CLUH: variants seen among roughly 807,000 people sequenced by gnomAD.
The protein encoded by CLUH is CLUH binding protein of NUMT mRNA, also known as clustered mitochondria protein homolog.
A neutral mutation model predicts 139.3 loss-of-function variants in CLUH; 77 were observed. That is an observed-to-expected ratio of 0.55 (90% confidence interval 0.46 to 0.67). The LOEUF is 0.67. Among genes scored for constraint, CLUH ranks in the 30% least tolerant of loss-of-function variants. The probability of loss-of-function intolerance (pLI) is 0.00; values close to 1 mark genes in which losing one functional copy is unlikely to be tolerated. For synonymous variants in CLUH, 999 were observed against 801.6 expected, an observed-to-expected ratio of 1.25 and a Z score of -4.16; for missense variants, 1,876 against 1,875.8, an observed-to-expected ratio of 1.00 and a Z score of 0.00.
At position 2,696,446 on chromosome 17, in the gene CLUH, T is replaced by C. The variant is rs1045743170; in HGVS notation, c.2278A>G (p.Ile760Val). ...CCCCACCACCTGCCTGGTGAGAAGA[T>C]GTCAGGATTGAAGCGAATGTCGAAG... The part of the protein sequence containing the change: ...TAFDIRFNPD[I>V]FSPGVRFPES... Residue 760 changes from isoleucine to valine, a missense_variant, in exon 12 of 26, where the codon ATC (isoleucine) becomes GTC (valine). Ile to Val is a conservative substitution (Grantham distance 29). This residue lies in a region of CLUH where 1,454 missense variants were observed against 1,384.4 expected (regional missense o/e 1.05). Transcript: ENST00000651024. 4.4e-6 allele frequency: 7 copies of C among 1,590,760 alleles called. No homozygotes were observed. Among genetic ancestry groups the C allele is most frequent in the East Asian group, 2.3e-5 (1 of 43,588 alleles).
rs2070032872 is a variant in CLUH at position 2,698,095 on chromosome 17, C to T, written c.1762G>A (p.Glu588Lys). The change falls in exon 10 of 26, where the codon GAG (glutamate) becomes AAG (lysine). Residue 588 changes from glutamate (E) to lysine (K), a missense_variant. Physicochemically the swap from Glu to Lys is moderately conservative, Grantham distance 56. Around this residue, in one of 3 missense-constraint regions of CLUH, gnomAD observed 1,454 missense variants for 1,384.4 expected, o/e 1.05. Transcript: ENST00000651024. Reference sequence around the variant, plus strand: ...TCGTTGCCAATGATGCCCTTGCACTCGACCGAGGAGCAGAGCTCCACCTCC... The same window carrying T: ...TCGTTGCCAATGATGCCCTTGCACTTGACCGAGGAGCAGAGCTCCACCTCC... ...DEEVELCSSV[E>K]CKGIIGNDGR... The T allele has an allele frequency of 1.2e-6, 2 of 1,603,610 alleles. No individual in the cohort carries two copies. The highest frequency in any genetic ancestry group is 1.3e-5 in the African/African-American group (1 of 74,796).
chr17:2,711,539 CCGCT>C lies in CLUH; in HGVS notation c.100+19_100+22del. On this transcript the variant is annotated intron_variant, in intron 1 of 25. Transcript: ENST00000651024. ...GGTCCGGCGCCCCCCGCCCAGCGGC[CCGCT>C]GGCCCTGGCCCCGCTCACCGGCCGC... The C allele has an allele frequency of 1.2e-6, 1 of 852,328 alleles. No individual in the cohort carries two copies. The allele number at this position is 852,328 out of a possible 1,614,324, so 52.8% of individuals were successfully genotyped here.
chr17:2,699,663 G>A (rs904037455), intron 9 of CLUH, among the ~76,000 whole-genome samples: 5 of 144,894 alleles, frequency 3.5e-5, no homozygotes, highest in Non-Finnish European at 6.0e-5. Flanking sequence ...ACGTAGTCTT[G>A]TTCTGTCGCC....
rs2070392079 is a variant in CLUH, at chr17:2,707,816, C to T, written c.101-3252G>A. ...CCTGGGCCAAGGGCCTGGCTGGGAC[C>T]TCTGGCTCCTGCTGCCCCCTGCAGG... On this transcript the variant is annotated intron_variant, in intron 1 of 25. Transcript: ENST00000651024. The surrounding 1 kb of genome is among the most constrained non-coding windows in gnomAD (Gnocchi z 7.4). 1 of 985,458 alleles carries T rather than the reference C, an allele frequency of 1.0e-6. No homozygotes were observed. Among genetic ancestry groups the T allele is most frequent in the East Asian group, 1.1e-4 (1 of 8,816 alleles). The allele number at this position is 985,458 out of a possible 1,614,324, so 61.0% of individuals were successfully genotyped here.
chr17:2,696,846 G>A lies in CLUH; in HGVS notation c.2058C>T (p.Ser686=), dbSNP rs1460106530. Residue 686 remains serine (S), a synonymous_variant, in exon 11 of 26, where the codon TCC becomes TCT. Transcript: ENST00000651024. ...GATCCTCAGACTTGGACTCCAAGGA[G>A]GAAGGACCACCATTTTCCAGGGAGG... is the stretch of plus-strand genomic sequence containing the variant. ...TPSSLENGGP[S]SLESKSEDPP... 8 of 1,613,480 alleles carry A rather than the reference G, an allele frequency of 5.0e-6. No individual in the cohort carries two copies. The highest frequency in any genetic ancestry group is 6.8e-6 in the Non-Finnish European group (8 of 1,179,884).
At position 2,698,551 on chromosome 17, in the gene CLUH, T is replaced by C. The variant is rs747849159; in HGVS notation, c.1306A>G (p.Met436Val). ...DFTAAATRGA[M>V]AVIDGNVMAI... ...ATCACGTTGCCGTCAATGACGGCCATGGCGCCCCTGGTGGCTGCCGCGGTG... is the reference window on the plus strand; with the variant it reads ...ATCACGTTGCCGTCAATGACGGCCACGGCGCCCCTGGTGGCTGCCGCGGTG... Residue 436 changes from methionine to valine, a missense_variant, in exon 10 of 26, where the codon ATG (methionine) becomes GTG (valine). Transcript: ENST00000651024. 4.3e-6 allele frequency: 7 copies of C among 1,610,258 alleles called. No homozygotes were observed. Among genetic ancestry groups the C allele is most frequent in the African/African-American group, 1.3e-5 (1 of 74,874 alleles).
In CLUH at chr17:2,690,326, C is replaced by T; in HGVS notation, c.*268G>A. ...CCGGACGGCGGGGGCCGAAGCAACA[C>T]CTGCCCCCCAGCCGGGAACTGATGG... On this transcript the variant is annotated 3_prime_UTR_variant, in exon 26 of 26. Coordinates refer to ENST00000651024, the MANE Select transcript of CLUH (RefSeq NM_001366661.1). 1 of 402,512 alleles carries T rather than the reference C, an allele frequency of 2.5e-6. No homozygotes were observed. The highest frequency in any genetic ancestry group is 4.4e-6 in the Non-Finnish European group (1 of 227,972). The allele number at this position is 402,512 out of a possible 1,614,324, so 24.9% of individuals were successfully genotyped here.
chr17:2,709,241 G>A (rs1339619474), intron 1 of CLUH, among the ~76,000 whole-genome samples: 1 of 152,150 alleles, frequency 6.6e-6, no homozygotes, highest in Non-Finnish European at 1.5e-5. Context: ...GCCTCAGCAA[G>A]TGAGGCTCCA....
At chr17:2,702,571 A>T (rs917048429) in intron 3 of CLUH, among the ~76,000 whole-genome samples, 2 of 152,122 alleles carry the variant, frequency 1.3e-5, no homozygotes, top group Non-Finnish European at 2.9e-5. Context: ...GGCGCTGTTG[A>T]GCTACAGACC....
chr17:2,696,138 G>C, intron 13 of CLUH, 21 bp downstream of exon 13: 3 of 1,509,610 alleles, frequency 2.0e-6, no homozygotes, highest in Non-Finnish European at 2.7e-6. Flanking sequence ...GCCCCACCCA[G>C]CCCCGCAGCC....
intron 1 of CLUH, among the ~76,000 whole-genome samples, chr17:2,709,560 C>A (rs1431438462): frequency 6.6e-6 from 1 of 152,172 alleles, no homozygotes; most frequent in Non-Finnish European, 1.5e-5. Flanking sequence ...GAGCCCTCCC[C>A]TGGGCAGAAG....
chr17:2,711,533 A>G, intron 1 of CLUH, 29 bp downstream of exon 1: 1 of 259,644 alleles, frequency 3.9e-6, no homozygotes, highest in Non-Finnish European at 5.8e-6. Context: ...CCCCCCGCCC[A>G]GCGGCCCGCT....
Position 2,691,595 on chromosome 17 carries a change from G to C in CLUH, c.3863+14C>G, listed in dbSNP as rs913831380. ...CCCCAACCGGGAGACACTCGAGTGG[G>C]GCGGAGGCCTCACCTGAGAGGAATG... On this transcript the variant is annotated intron_variant, in intron 25 of 25. Coordinates refer to ENST00000651024, the MANE Select transcript of CLUH (RefSeq NM_001366661.1). 1.9e-6 allele frequency: 3 copies of C among 1,610,394 alleles called. No individual in the cohort carries two copies. Among genetic ancestry groups the C allele is most frequent in the East Asian group, 4.5e-5 (2 of 44,774 alleles).
Position 2,707,613 on chromosome 17 carries a change from G to C in CLUH, c.101-3049C>G, listed in dbSNP as rs145112393. On this transcript the variant is annotated intron_variant, in intron 1 of 25. Coordinates refer to ENST00000651024, the MANE Select transcript of CLUH (RefSeq NM_001366661.1). This position sits in a 1 kb window ranked among gnomAD's most constrained non-coding sequence, Gnocchi z 7.4. ...TGGACCCCTCAAGATTGAGGGCCTA[G>C]GAGACTGGCTGGCAGGGGCAGGGCC... 2.1e-3 allele frequency: 2,106 copies of C among 985,402 alleles called. 20 individuals are homozygous for C. The African/African-American group carries it at 0.034, about 16-fold the overall frequency. 61.0% of individuals were successfully genotyped at this position (985,402 alleles called of 1,614,324 possible). A position where few individuals can be genotyped will look rare whatever the true frequency, so the allele number is the denominator to read the frequency against.
Position 2,690,491 on chromosome 17 carries a change from A to C in CLUH, c.*103T>G. ...GTGGGGTGGGGTGAGACGTGGAGGAAGAGGGCCTTGCTTCCTCTTCCGCCC... is the reference window on the plus strand; with the variant it reads ...GTGGGGTGGGGTGAGACGTGGAGGACGAGGGCCTTGCTTCCTCTTCCGCCC... On this transcript the variant is annotated 3_prime_UTR_variant, in exon 26 of 26. Coordinates refer to ENST00000651024, the MANE Select transcript of CLUH (RefSeq NM_001366661.1). 1.9e-6 allele frequency: 2 copies of C among 1,042,678 alleles called. No homozygotes were observed. The highest frequency in any genetic ancestry group is 2.6e-6 in the Non-Finnish European group (2 of 772,064). 64.6% of individuals were successfully genotyped at this position (1,042,678 alleles called of 1,614,324 possible).
In CLUH at chr17:2,701,127, A is replaced by G; in HGVS notation, c.1025+13T>C. 2 of 1,613,706 alleles carry G rather than the reference A, an allele frequency of 1.2e-6. No homozygotes were observed. The highest frequency in any genetic ancestry group is 1.7e-6 in the Non-Finnish European group (2 of 1,179,842). On this transcript the variant is annotated intron_variant, in intron 7 of 25. Transcript: ENST00000651024. ...GTGCCATGAGACAAGGCGGGAGGGGACAAAGGCACTACCTTTTCTTCTGCA... is the reference window on the plus strand; with the variant it reads ...GTGCCATGAGACAAGGCGGGAGGGGGCAAAGGCACTACCTTTTCTTCTGCA...
chr17:2,710,659 G>T (rs906909496), intron 1 of CLUH, among the ~76,000 whole-genome samples: 2 of 152,132 alleles, frequency 1.3e-5, no homozygotes, highest in African/African-American at 4.8e-5. Flanking sequence ...GAGACACGGT[G>T]GAGGGAACAG....
At position 2,702,091 on chromosome 17, in the gene CLUH, A is replaced by G. The variant is rs1367869792; in HGVS notation, c.476-34T>C. On this transcript the variant is annotated intron_variant, in intron 3 of 25. Coordinates refer to ENST00000651024, the MANE Select transcript of CLUH (RefSeq NM_001366661.1). Reference sequence around the variant, plus strand: ...AAGGCAGGGAGGGTATGGCGTTACCAGGGCCCTGCACCCTGAACAACCTGC... The same window carrying G: ...AAGGCAGGGAGGGTATGGCGTTACCGGGGCCCTGCACCCTGAACAACCTGC... 3.7e-6 allele frequency: 6 copies of G among 1,606,186 alleles called. No homozygotes were observed. The African/African-American group carries it at 8.0e-5, about 21-fold the overall frequency.
Position 2,703,923 on chromosome 17 carries a change from G to A in CLUH, c.304-434C>T, listed in dbSNP as rs1304315637. Among the ~76,000 whole-genome samples the A allele has an allele frequency of 1.3e-5, 2 of 152,170 alleles. No individual in the cohort carries two copies. Among genetic ancestry groups the A allele is most frequent in the Non-Finnish European group, 2.9e-5 (2 of 68,050 alleles). On this transcript the variant is annotated intron_variant, in intron 2 of 25. Coordinates refer to ENST00000651024, the MANE Select transcript of CLUH (RefSeq NM_001366661.1). The surrounding 1 kb of genome is among the most constrained non-coding windows in gnomAD (Gnocchi z 4.2). Reference sequence around the variant, plus strand: ...GCCTGCGGGTGCCGAGACATACGACGACCCTGTCTCGTTCCCCACTGAGTC... The same window carrying A: ...GCCTGCGGGTGCCGAGACATACGACAACCCTGTCTCGTTCCCCACTGAGTC...
Sources: gnomAD v4.1 joint callset for allele counts (sites outside exome capture counted in the v4.1 genomes callset) on GRCh38, gnomAD v4.1.1 for gene constraint, gnomAD v4.1.1 regional missense constraint, Gnocchi (gnomAD v3.1) non-coding constraint, MANE v1.5 for transcripts, NCBI Gene and HGNC (gene_info 2026-07-23, HGNC 2026-07-21) for gene names.